Variants in OLFM3 observed in about 807,000 individuals in gnomAD.
OLFM3 encodes the protein noelin-3.
A neutral mutation model predicts 48.6 loss-of-function variants in OLFM3; 20 were observed. That is an observed-to-expected ratio of 0.41 (90% CI 0.29 to 0.60). The LOEUF (loss-of-function observed/expected upper bound fraction) is 0.60. Ranked by LOEUF, OLFM3 falls within the 20% of genes least tolerant of loss-of-function variation. The pLI, the probability that OLFM3 is intolerant of heterozygous loss-of-function variation, is 0.28. For missense variants in OLFM3, 437 were observed against 544.3 expected, an observed-to-expected ratio of 0.80 and a Z score of 1.96; for synonymous variants, 222 against 198.1, an observed-to-expected ratio of 1.12 and a Z score of -1.01.
chr1:101,978,977 T>A (rs1183778000), intron 1 of OLFM3, among the ~76,000 whole-genome samples: 5 of 152,206 alleles, frequency 3.3e-5, no homozygotes, highest in Non-Finnish European at 5.9e-5. Flanking sequence ...AATTGCTAAA[T>A]ATAACAAATA....
intron 1 of OLFM3, among the ~76,000 whole-genome samples, chr1:101,921,200 TACACACAC>T (rs142071103): frequency 2.0e-4 from 29 of 148,054 alleles, no homozygotes; most frequent in Admixed American, 6.1e-4. Context: ...TTTAAGTTTA[TACACACAC>T]ACACACACAC....
At chr1:101,942,030 T>C (rs1659811748) in intron 1 of OLFM3, among the ~76,000 whole-genome samples, 1 of 152,190 alleles carries the variant, frequency 6.6e-6, no homozygotes, top group African/African-American at 2.4e-5. Context: ...TTCAGAGATA[T>C]GAAAACACAC....
At chr1:101,845,515 C>T (rs1655951421) in intron 1 of OLFM3, among the ~76,000 whole-genome samples, 1 of 151,808 alleles carries the variant, frequency 6.6e-6, no homozygotes, top group Non-Finnish European at 1.5e-5. Flanking sequence ...AGAGTTAATT[C>T]AACAATGATG....
chr1:101,845,870 A>G (rs555738567), intron 1 of OLFM3, among the ~76,000 whole-genome samples: 1 of 152,318 alleles, frequency 6.6e-6, no homozygotes, highest in Admixed American at 6.5e-5. Context: ...ACATTGGTTG[A>G]TAGATTATTA....
intron 1 of OLFM3, among the ~76,000 whole-genome samples, chr1:101,857,822 C>T (rs1656490849): frequency 6.6e-6 from 1 of 151,970 alleles, no homozygotes; most frequent in Admixed American, 6.6e-5. Context: ...TTGATGTGCT[C>T]TCATTTTTAA....
intron 1 of OLFM3, among the ~76,000 whole-genome samples, chr1:101,983,757 C>G (rs1335141681): frequency 6.6e-6 from 1 of 152,154 alleles, no homozygotes; most frequent in African/African-American, 2.4e-5. Context: ...CTATACAACA[C>G]ATTTTTTTCT....
intron 1 of OLFM3, among the ~76,000 whole-genome samples, chr1:101,995,577 C>T (rs144017501): frequency 4.6e-5 from 7 of 152,112 alleles, no homozygotes; most frequent in East Asian, 1.9e-4. Context: ...CAAATATATA[C>T]GACATGATTC....
chr1:101,827,279 A>G (rs1306637899), intron 3 of OLFM3, among the ~76,000 whole-genome samples: 1 of 152,190 alleles, frequency 6.6e-6, no homozygotes, highest in Admixed American at 6.5e-5. Context: ...AAACCTACTT[A>G]ACATTCTTGA....
At chr1:101,982,472 T>C (rs1661130144) in intron 1 of OLFM3, among the ~76,000 whole-genome samples, 1 of 152,166 alleles carries the variant, frequency 6.6e-6, no homozygotes, top group African/African-American at 2.4e-5. Flanking sequence ...ACTACTGTGA[T>C]GGTTAATTTT....
intron 1 of OLFM3, chr1:101,837,657 T>C (rs1655496941): frequency 6.6e-6 from 1 of 152,222 alleles, no homozygotes; most frequent in African/African-American, 2.4e-5. Context: ...CTTATCACTC[T>C]ACCTTCTTAG....
intron 1 of OLFM3, among the ~76,000 whole-genome samples, chr1:101,849,246 T>G (rs1656130736): frequency 6.6e-6 from 1 of 152,232 alleles, no homozygotes; most frequent in Non-Finnish European, 1.5e-5. Flanking sequence ...CTAAATAGTT[T>G]GCAGTACTCT....
intron 1 of OLFM3, chr1:101,846,860 C>G: frequency 6.2e-7 from 1 of 1,611,988 alleles, no homozygotes; most frequent in Non-Finnish European, 8.5e-7. Context: ...TATCCGGAGT[C>G]GACAGCCTCG....
At chr1:101,990,857 G>A (rs1030916692) in intron 1 of OLFM3, among the ~76,000 whole-genome samples, 5 of 150,468 alleles carry the variant, frequency 3.3e-5, no homozygotes, top group African/African-American at 4.9e-5. Flanking sequence ...GGTAGCAGGC[G>A]CCTGTGGTCC....
At position 101,857,580 on chromosome 1, in the gene OLFM3, C is replaced by G. The variant is rs148518181; in HGVS notation, c.70-20555G>C. On this transcript the variant is annotated intron_variant, in intron 1 of 5. Transcript: ENST00000370103. ...CTTTGCAAAGCATTCCACCCGCTCC[C>G]CATGCTCTCCTTTCCCCCCTCTCCT... Among the ~76,000 whole-genome samples the G allele has an allele frequency of 7.3e-3, 1,112 of 151,930 alleles. 10 individuals carry two copies. Among genetic ancestry groups the G allele is most frequent in the Non-Finnish European group, 0.012 (823 of 67,936 alleles).
intron 1 of OLFM3, among the ~76,000 whole-genome samples, chr1:101,905,271 A>G (rs1003761128): frequency 3.3e-5 from 5 of 152,192 alleles, no homozygotes; most frequent in African/African-American, 4.8e-5. Context: ...AGTGAGAGTA[A>G]TGTGAAGACA....
rs904997663 is a variant in OLFM3 at position 101,838,772 on chromosome 1, G to A, written c.70-1747C>T. On this transcript the variant is annotated intron_variant, in intron 1 of 5. Transcript: ENST00000370103. ...TGCGACTAAAGCTCTAAGCCACCGC[G>A]CTGGGCCAGGAGCAAATTCTTAAAG... 3.9e-5 allele frequency among the ~76,000 whole-genome samples: 6 copies of A among 152,256 alleles called. No individual in the cohort carries two copies. In the East Asian group the frequency reaches 9.7e-4, roughly 25 times the overall value.
At chr1:101,976,041 T>C (rs1259697930) in intron 1 of OLFM3, among the ~76,000 whole-genome samples, 1 of 152,186 alleles carries the variant, frequency 6.6e-6, no homozygotes, top group East Asian at 1.9e-4. Flanking sequence ...TTTTAAGCTC[T>C]TTGAATAATT....
At chr1:101,811,513 A>G (rs968498670) in intron 4 of OLFM3, among the ~76,000 whole-genome samples, 3 of 152,190 alleles carry the variant, frequency 2.0e-5, no homozygotes, top group African/African-American at 7.2e-5. Flanking sequence ...AACCCGATCA[A>G]AAAGTGGACG....
intron 4 of OLFM3, among the ~76,000 whole-genome samples, chr1:101,824,425 G>A (rs2100897171): frequency 6.6e-6 from 1 of 152,268 alleles, no homozygotes; most frequent in East Asian, 1.9e-4. Context: ...GTAAGAAGTA[G>A]AGTCCATGAC....
Sources: allele counts gnomAD v4.1 joint callset (sites outside exome capture counted in the v4.1 genomes callset), GRCh38; gene constraint gnomAD v4.1.1; transcripts MANE v1.5; gene names NCBI Gene and HGNC (gene_info 2026-07-23, HGNC 2026-07-21).